IFNGR1: variants seen among roughly 807,000 people sequenced by gnomAD.
IFNGR1 encodes interferon gamma receptor 1, also known as AVP, type 2.
IFNGR1 carries 23 observed loss-of-function variants against 35.4 expected under a neutral mutation model. That is an observed-to-expected ratio of 0.65 (90% CI 0.47 to 0.92). IFNGR1 has a LOEUF of 0.92. IFNGR1 is among the 40% of genes least tolerant of loss of function. The pLI is 0.00. For missense variants in IFNGR1, 533 were observed against 583.4 expected (o/e 0.91, Z 0.89); for synonymous variants, 199 against 209.5 (o/e 0.95, Z 0.43).
intron 1 of IFNGR1, among the ~76,000 whole-genome samples, chr6:137,214,792 G>A (rs1779652864): frequency 6.6e-6 from 1 of 152,060 alleles, no homozygotes; most frequent in African/African-American, 2.4e-5. Context: ...AAAAACAGTT[G>A]AGGAAATGAA....
rs1375527839 is a variant in IFNGR1 at position 137,215,817 on chromosome 6, T to C, written c.85+3426A>G. ...GCCTAGACCTCCTGGGCTCAAGTGA[T>C]CCTCCTACCTCAGCCTCCCCAGTAG... On this transcript the variant is annotated intron_variant, in intron 1 of 6. Coordinates refer to ENST00000367739, the MANE Select transcript of IFNGR1 (RefSeq NM_000416.3). Among the ~76,000 whole-genome samples, 4 of 152,144 alleles carry C rather than the reference T, an allele frequency of 2.6e-5. No homozygotes were observed. In the South Asian group the frequency reaches 8.3e-4, roughly 32 times the overall value.
At chr6:137,214,861 A>C (rs564387556) in intron 1 of IFNGR1, among the ~76,000 whole-genome samples, 18 of 152,372 alleles carry the variant, frequency 1.2e-4, no homozygotes, top group Middle Eastern at 3.4e-3. Context: ...CTGTTGGAAG[A>C]GATGGAAGAA....
intron 1 of IFNGR1, chr6:137,215,336 G>A (rs1779667102): frequency 6.5e-7 from 1 of 1,545,258 alleles, no homozygotes; most frequent in Middle Eastern, 1.7e-4. Context: ...TTCAGGTAAT[G>A]TTTCCTGATT....
chr6:137,199,400 T>TTTATATTACATAAAATATAA, intron 6 of IFNGR1, among the ~76,000 whole-genome samples: 1 of 125,052 alleles, frequency 8.0e-6, no homozygotes, highest in South Asian at 2.2e-4. Context: ...ATAAAATATA[T>TTTATATTACATAAAATATAA]AATTTATAAT....
chr6:137,219,123 G>C, intron 1 of IFNGR1, 120 bp downstream of exon 1: 1 of 1,353,758 alleles, frequency 7.4e-7, no homozygotes, highest in Non-Finnish European at 1.0e-6. Flanking sequence ...CTCAGGGCCC[G>C]ACGCAGGGGT....
intron 5 of IFNGR1, among the ~76,000 whole-genome samples, chr6:137,202,694 C>G (rs909972345): frequency 1.1e-4 from 16 of 151,044 alleles, no homozygotes; most frequent in African/African-American, 3.9e-4. Flanking sequence ...AAGCAATACA[C>G]AAAATCATAT....
Position 137,198,099 on chromosome 6 carries a change from C to T in IFNGR1, c.1402G>A (p.Val468Met). Residue 468 changes from valine to methionine, a missense_variant, in exon 7 of 7, where the codon GTG becomes ATG. Physicochemically the swap from Val to Met is conservative, Grantham distance 21 (BLOSUM62 1). Coordinates refer to ENST00000367739, the MANE Select transcript of IFNGR1 (RefSeq NM_000416.3). ...DKPHVLVDLL[V>M]DDSGKESLIG... ...AAGGACTCTTTACCGCTATCATCCA[C>T]AAGTAGATCCACTAGCACATGTGGT... is the stretch of plus-strand genomic sequence containing the variant. The T allele has an allele frequency of 6.2e-7, 1 of 1,614,166 alleles. No individual in the cohort carries two copies. The highest frequency in any genetic ancestry group is 8.5e-7 in the Non-Finnish European group (1 of 1,180,030).
chr6:137,218,986 G>T (rs1032740890), intron 1 of IFNGR1: 1 of 575,608 alleles, frequency 1.7e-6, no homozygotes, highest in African/African-American at 1.9e-5. Flanking sequence ...TGGATTACAA[G>T]AGTCGGAAAA....
chr6:137,203,486 G>T lies in IFNGR1; in HGVS notation c.733+13C>A. ...CTCCCTCTATATTTAGAAAAAAAATGGCAAGAACTTACCTTTTATACTGCT... is the reference window on the plus strand; with the variant it reads ...CTCCCTCTATATTTAGAAAAAAAATTGCAAGAACTTACCTTTTATACTGCT... On this transcript the variant is annotated intron_variant, in intron 5 of 6. Coordinates refer to ENST00000367739, the MANE Select transcript of IFNGR1 (RefSeq NM_000416.3). 2 of 1,409,874 alleles carry T rather than the reference G, an allele frequency of 1.4e-6. No individual in the cohort carries two copies. Among genetic ancestry groups the T allele is most frequent in the South Asian group, 1.2e-5 (1 of 86,730 alleles). 87.3% of individuals were successfully genotyped at this position (1,409,874 alleles called of 1,614,324 possible).
At chr6:137,218,812 G>C in intron 1 of IFNGR1, 1 of 350,036 alleles carries the variant, frequency 2.9e-6, no homozygotes, top group South Asian at 2.2e-5. Context: ...TGTACAGCCT[G>C]TCACTGCACT....
At chr6:137,218,575 C>T in intron 1 of IFNGR1, 1 of 1,235,368 alleles carries the variant, frequency 8.1e-7, no homozygotes, top group South Asian at 1.3e-5. Flanking sequence ...CTTTCCTACC[C>T]TAAGCACTTT....
chr6:137,209,899 C>T (rs571100480), intron 1 of IFNGR1: 7 of 398,704 alleles, frequency 1.8e-5, no homozygotes, highest in African/African-American at 1.2e-4. Context: ...CAACACTCTG[C>T]TCTCTGGGGT....
At chr6:137,217,889 T>A (rs979024261) in intron 1 of IFNGR1, among the ~76,000 whole-genome samples, 1 of 152,218 alleles carries the variant, frequency 6.6e-6, no homozygotes, top group Non-Finnish European at 1.5e-5. Flanking sequence ...CAACATGCTA[T>A]CACACCTCTG....
In IFNGR1 at chr6:137,215,318, G is replaced by A. The variant is rs1327475; in HGVS notation, c.85+3925C>T. 0.15 allele frequency: 225,520 copies of A among 1,545,614 alleles called. 17,597 individuals are homozygous for A. The highest frequency in any genetic ancestry group is 0.18 in the Middle Eastern group (1,084 of 5,956). On this transcript the variant is annotated intron_variant, in intron 1 of 6. Transcript: ENST00000367739. ...AGACTATTTTCTGGTGACTTCAAAA[G>A]CATCTGCTTCAGGTAATGTTTCCTG... is the stretch of plus-strand genomic sequence containing the variant.
intron 1 of IFNGR1, chr6:137,215,436 A>G (rs1779670508): frequency 9.2e-7 from 1 of 1,085,354 alleles, no homozygotes; most frequent in Non-Finnish European, 1.3e-6. Context: ...ACAAGACCTA[A>G]ACAGATACCT....
chr6:137,207,685 C>CT (rs1562287516), intron 1 of IFNGR1, among the ~76,000 whole-genome samples: 1 of 152,160 alleles, frequency 6.6e-6, no homozygotes, highest in Non-Finnish European at 1.5e-5. Context: ...TAAGAAGTGC[C>CT]TTTCTCCCCC....
chr6:137,214,161 C>A (rs1779637369), intron 1 of IFNGR1, among the ~76,000 whole-genome samples: 1 of 152,172 alleles, frequency 6.6e-6, no homozygotes, highest in Non-Finnish European at 1.5e-5. Context: ...AGATCTAACA[C>A]CTTCCCCATG....
chr6:137,213,952 C>G (rs560167487), intron 1 of IFNGR1, among the ~76,000 whole-genome samples: 1 of 152,318 alleles, frequency 6.6e-6, no homozygotes, highest in Non-Finnish European at 1.5e-5. Flanking sequence ...TATGGTGGAA[C>G]AGGGCTATGG....
chr6:137,199,500 A>ATAATATATT (rs1779201890), intron 6 of IFNGR1, among the ~76,000 whole-genome samples: 1 of 14,492 alleles, frequency 6.9e-5, no homozygotes, highest in East Asian at 1.8e-3. Context: ...TATTATATAA[A>ATAATATATT]ATATATAATT....
Sources: gnomAD v4.1 joint callset for allele counts (sites outside exome capture counted in the v4.1 genomes callset) on GRCh38, gnomAD v4.1.1 for gene constraint, MANE v1.5 for transcripts, NCBI Gene and HGNC (gene_info 2026-07-23, HGNC 2026-07-21) for gene names.